The following PHYKPL variants were observed in gnomAD, a reference collection of about 807,000 sequenced individuals.
The protein encoded by PHYKPL is 5-phosphohydroxy-L-lysine phospho-lyase, also known as 5-phosphonooxy-L-lysine phospho-lyase.
In PHYKPL, 42 loss-of-function variants were observed where a neutral mutation model predicts 51.3. That is an observed-to-expected ratio of 0.82 (90% CI 0.64 to 1.06). The LOEUF (loss-of-function observed/expected upper bound fraction) is 1.06, where lower values mean the gene tolerates loss of function less well. PHYKPL is among the 50% of genes least tolerant of loss of function. The pLI, the probability that PHYKPL is intolerant of heterozygous loss-of-function variation, is 0.00. For missense variants in PHYKPL, 655 were observed against 586.6 expected, an observed-to-expected ratio of 1.12 and a Z score of -1.20; for synonymous variants, 264 against 236.0, an observed-to-expected ratio of 1.12 and a Z score of -1.09.
intron 1 of PHYKPL, 24 bp downstream of exon 1, chr5:178,232,468 G>GCCGC (rs1270342847): frequency 7.0e-5 from 82 of 1,179,366 alleles, no homozygotes; most frequent in African/African-American, 6.5e-5. Context: ...CGCGCCCCCC[G>GCCGC]CCGCCCGCCC....
At chr5:178,231,768 T>C in intron 1 of PHYKPL, 1 of 1,472,020 alleles carries the variant, frequency 6.8e-7, no homozygotes. Context: ...TCAGCCTCTG[T>C]GGCCTCCTTG....
At chr5:178,213,725 C>A (rs1316222348) in intron 10 of PHYKPL, among the ~76,000 whole-genome samples, 1 of 152,100 alleles carries the variant, frequency 6.6e-6, no homozygotes, top group Non-Finnish European at 1.5e-5. Flanking sequence ...CTTTTGTAAA[C>A]CTTGTTATTT....
chr5:178,222,744 T>G lies in PHYKPL; in HGVS notation c.701+108A>C, dbSNP rs902962232. On this transcript the variant is annotated intron_variant, in intron 7 of 12. Transcript: ENST00000308158. Reference sequence around the variant, plus strand: ...CCATTCTTTCTTTAAGGGCTTTGTCTCAAAATTCTGGCAGTCAGGACAGGC... The same window carrying G: ...CCATTCTTTCTTTAAGGGCTTTGTCGCAAAATTCTGGCAGTCAGGACAGGC... 2.1e-6 allele frequency: 3 copies of G among 1,403,894 alleles called. No individual in the cohort carries two copies. The African/African-American group carries it at 4.3e-5, about 20-fold the overall frequency. The allele number at this position is 1,403,894 out of a possible 1,614,324, so 87.0% of individuals were successfully genotyped here. A position where few individuals can be genotyped will look rare whatever the true frequency, so the allele number is the denominator to read the frequency against.
In PHYKPL at chr5:178,232,682, C is replaced by T. The variant is rs939435492; in HGVS notation, c.-132G>A. On this transcript the variant is annotated 5_prime_UTR_variant, in exon 1 of 13. Coordinates refer to ENST00000308158, the MANE Select transcript of PHYKPL (RefSeq NM_153373.4). ...TGGGGCTCAGGTTCGCACTCGGCCC[C>T]GCCCCGAAGCGCCCGCGTTGCGGTG... 1.0e-5 allele frequency: 10 copies of T among 970,464 alleles called. No homozygotes were observed. In the South Asian group the frequency reaches 5.1e-4, roughly 50 times the overall value. 60.1% of individuals were successfully genotyped at this position (970,464 alleles called of 1,614,324 possible).
Position 178,208,751 on chromosome 5 carries a change from C to CA in PHYKPL, c.*195dup, listed in dbSNP as rs1260048681. On this transcript the variant is annotated 3_prime_UTR_variant, in exon 13 of 13. Transcript: ENST00000308158. ...ATTGACTGACTTGAGGGGATGCAGA[C>CA]ATCTGGGTTATTCCAACAGACCAGT... is the stretch of plus-strand genomic sequence containing the variant. The CA allele has an allele frequency of 1.3e-5, 2 of 152,874 alleles. No homozygotes were observed. The highest frequency in any genetic ancestry group is 4.8e-5 in the African/African-American group (2 of 41,432). 9.5% of individuals were successfully genotyped at this position (152,874 alleles called of 1,614,324 possible). A position where few individuals can be genotyped will look rare whatever the true frequency, so the allele number is the denominator to read the frequency against.
intron 3 of PHYKPL, chr5:178,229,683 A>C: frequency 2.5e-6 from 1 of 393,758 alleles, no homozygotes; most frequent in Non-Finnish European, 4.6e-6. Context: ...AGGCAGAAAT[A>C]AAGGAACATA....
At chr5:178,210,939 G>A (rs1249862466) in intron 12 of PHYKPL, 1 of 365,586 alleles carries the variant, frequency 2.7e-6, no homozygotes, top group East Asian at 5.1e-5. Context: ...TGGTTGTAAA[G>A]AGTAAATTGT....
chr5:178,221,097 T>A (rs1761089482), intron 8 of PHYKPL, among the ~76,000 whole-genome samples: 1 of 152,164 alleles, frequency 6.6e-6, no homozygotes, highest in African/African-American at 2.4e-5. Context: ...CCCAGGTGCT[T>A]AGAACATTAA....
chr5:178,210,272 A>C (rs762073136), intron 12 of PHYKPL: 2 of 1,614,032 alleles, frequency 1.2e-6, no homozygotes, highest in Non-Finnish European at 1.7e-6. Context: ...CTACGACTAC[A>C]GTAAGTAGGA....
chr5:178,223,066 T>G, intron 6 of PHYKPL, 132 bp from the exon 7 acceptor site: 1 of 824,596 alleles, frequency 1.2e-6, no homozygotes, highest in Non-Finnish European at 2.0e-6. Context: ...TTGGGTTCCA[T>G]GTTACATCTG....
rs1342901359 is a variant in PHYKPL, at chr5:178,224,698, C to T, written c.445G>A (p.Asp149Asn). The T allele has an allele frequency of 6.2e-7, 1 of 1,614,112 alleles. No homozygotes were observed. Among genetic ancestry groups the T allele is most frequent in the South Asian group, 1.1e-5 (1 of 91,080 alleles). ...AYHGHLSSLI[D>N]ISPYKFRNLD... Reference sequence around the variant, plus strand: ...TTGCGGAACTTGTAGGGACTGATGTCAATCAGGGAGCTCAGGTGGCCGTGA... The same window carrying T: ...TTGCGGAACTTGTAGGGACTGATGTTAATCAGGGAGCTCAGGTGGCCGTGA... Residue 149 changes from aspartate to asparagine, a missense_variant, in exon 5 of 13, where the codon GAC becomes AAC. Transcript: ENST00000308158.
chr5:178,220,179 A>G (rs1760853866), intron 8 of PHYKPL, among the ~76,000 whole-genome samples: 1 of 112,288 alleles, frequency 8.9e-6, no homozygotes. Flanking sequence ...TGGGTGACAG[A>G]GTGAGACCCC....
chr5:178,226,883 G>A (rs56294460), intron 3 of PHYKPL, among the ~76,000 whole-genome samples: 2,582 of 152,204 alleles, frequency 0.017, 41 homozygotes, highest in Non-Finnish European at 0.028. Flanking sequence ...GGACGAAAAT[G>A]AATGCGTGTG....
intron 8 of PHYKPL, among the ~76,000 whole-genome samples, chr5:178,218,738 C>T (rs1760479637): frequency 1.3e-5 from 2 of 152,174 alleles, no homozygotes; most frequent in Non-Finnish European, 1.5e-5. Context: ...GAAGTTAAAG[C>T]AGCAGTTAAA....
At position 178,232,515 on chromosome 5, in the gene PHYKPL, C is replaced by CA; in HGVS notation, c.35dup (p.Ala13GlyfsTer21). The CA allele has an allele frequency of 7.5e-7, 1 of 1,339,378 alleles. No individual in the cohort carries two copies. Among genetic ancestry groups the CA allele is most frequent in the South Asian group, 2.0e-5 (1 of 50,524 alleles). 83.0% of individuals were successfully genotyped at this position (1,339,378 alleles called of 1,614,324 possible). On this transcript the variant is annotated frameshift_variant, in exon 1 of 13. Transcript: ENST00000308158. LOFTEE classifies it high-confidence loss of function. Reference sequence around the variant, plus strand: ...ACCTGATGAGCCGTTGCCTCAGGGCCAGCGTGTCGGCCTTCGGGCGCTGGT... The same window carrying CA: ...ACCTGATGAGCCGTTGCCTCAGGGCCAAGCGTGTCGGCCTTCGGGCGCTGGT...
At chr5:178,210,930 G>T in intron 12 of PHYKPL, 1 of 387,978 alleles carries the variant, frequency 2.6e-6, no homozygotes. Flanking sequence ...TGTGGACCCT[G>T]GTTGTAAAGA....
chr5:178,213,166 CAT>C, intron 10 of PHYKPL, 63 bp from the exon 11 acceptor site: 1 of 1,591,884 alleles, frequency 6.3e-7, no homozygotes, highest in South Asian at 1.1e-5. Flanking sequence ...GCCTTGGCCT[CAT>C]GTCCAGTGCT....
chr5:178,224,408 T>C (rs1761855531), intron 6 of PHYKPL, 40 bp downstream of exon 6: 1 of 1,513,328 alleles, frequency 6.6e-7, no homozygotes, highest in Non-Finnish European at 8.9e-7. Flanking sequence ...GGAGGTGACA[T>C]TCACTGTTGG....
At chr5:178,215,203 T>G (rs1759513827) in intron 9 of PHYKPL, 73 bp downstream of exon 9, 1 of 1,600,480 alleles carries the variant, frequency 6.2e-7, no homozygotes, top group Non-Finnish European at 8.5e-7. Flanking sequence ...TCCCAGGTTG[T>G]TAGGAGGTGA....
Sources: allele counts gnomAD v4.1 joint callset (sites outside exome capture counted in the v4.1 genomes callset), GRCh38; gene constraint gnomAD v4.1.1; transcripts MANE v1.5; gene names NCBI Gene and HGNC (gene_info 2026-07-23, HGNC 2026-07-21).